MED13: variants seen among roughly 807,000 people sequenced by gnomAD.
The protein encoded by MED13 is mediator complex subunit 13.
A neutral mutation model predicts 225.2 loss-of-function variants in MED13; 23 were observed. The observed-to-expected ratio is 0.10, with a 90% CI of 0.07 to 0.14. The LOEUF is 0.14. Ranked by LOEUF, MED13 falls within the 10% of genes least tolerant of loss-of-function variation. The pLI, the probability that MED13 is intolerant of heterozygous loss-of-function variation, is 1.00. For synonymous variants in MED13, 942 were observed against 889.2 expected (o/e 1.06, Z -1.06); for missense variants, 2,197 against 2,594.5 (o/e 0.85, Z 3.33).
chr17:61,970,189 A>C (rs996686912), intron 17 of MED13, among the ~76,000 whole-genome samples: 5 of 152,256 alleles, frequency 3.3e-5, no homozygotes, highest in Admixed American at 6.5e-5. Flanking sequence ...AACATAAATG[A>C]GGAAGTTAAG....
Position 62,039,586 on chromosome 17 carries a change from G to A in MED13, c.471-3978C>T, listed in dbSNP as rs1042567721. Among the ~76,000 whole-genome samples the A allele has an allele frequency of 2.3e-5, 3 of 129,930 alleles. No individual in the cohort carries two copies. The East Asian group carries it at 8.6e-4, about 37-fold the overall frequency. The allele number at this position is 129,930 out of a possible 152,430, so 85.2% of individuals were successfully genotyped here. ...GGCATGAACCACCGCACCCAGCCAA[G>A]ATTTTTTTTTTTTTTTTTTTTTTTG... On this transcript the variant is annotated intron_variant, in intron 3 of 29. Coordinates refer to ENST00000397786, the MANE Select transcript of MED13 (RefSeq NM_005121.3).
rs534869940 is a variant in MED13 at position 62,039,876 on chromosome 17, G to C, written c.471-4268C>G. ...GGCATCCCAAAGTGCTGGAATTACAGGCGTGAGCCACTGTGCCGGCCTGAA... is the reference window on the plus strand; with the variant it reads ...GGCATCCCAAAGTGCTGGAATTACACGCGTGAGCCACTGTGCCGGCCTGAA... On this transcript the variant is annotated intron_variant, in intron 3 of 29. Coordinates refer to ENST00000397786, the MANE Select transcript of MED13 (RefSeq NM_005121.3). Among the ~76,000 whole-genome samples the C allele has an allele frequency of 2.0e-5, 3 of 152,204 alleles. No homozygotes were observed. The East Asian group carries it at 5.8e-4, about 29-fold the overall frequency.
chr17:62,045,070 T>A (rs1416763328), intron 3 of MED13, among the ~76,000 whole-genome samples: 4 of 152,222 alleles, frequency 2.6e-5, no homozygotes, highest in African/African-American at 9.6e-5. Flanking sequence ...TATATATAGT[T>A]GAGGGAATGG....
In MED13 at chr17:62,013,637, C is replaced by T. The variant is rs552869505; in HGVS notation, c.1284-2404G>A. Among the ~76,000 whole-genome samples the T allele has an allele frequency of 7.9e-5, 12 of 152,258 alleles. No individual in the cohort carries two copies. In the East Asian group the frequency reaches 2.1e-3, roughly 27 times the overall value. Reference sequence around the variant, plus strand: ...ACAAAGCAAGAATATTAGCTCTCAACATTTAACATTTTACTGAACGTTTTA... The same window carrying T: ...ACAAAGCAAGAATATTAGCTCTCAATATTTAACATTTTACTGAACGTTTTA... On this transcript the variant is annotated intron_variant, in intron 8 of 29. Coordinates refer to ENST00000397786, the MANE Select transcript of MED13 (RefSeq NM_005121.3).
rs1283487314 is a variant in MED13 at position 62,031,506 on chromosome 17, C to G, written c.947G>C (p.Arg316Thr). 6.2e-7 allele frequency: 1 copy of G among 1,613,888 alleles called. No homozygotes were observed. The highest frequency in any genetic ancestry group is 2.2e-5 in the East Asian group (1 of 44,856). Residue 316 changes from arginine (R) to threonine (T), a missense_variant, in exon 6 of 30, where the codon AGA (arginine) becomes ACA (threonine). Arg to Thr is a moderately conservative substitution (Grantham distance 71). This residue lies in a region of MED13 where 884 missense variants were observed against 918.5 expected (regional missense o/e 0.96). Transcript: ENST00000397786. ...LGVHQVPAST[R>T]DPAMSSVTLT... ...CGTAACCGAAGACATAGCAGGATCT[C>G]TTGTGGAAGCAGGCACTTGGTGGAC...
At chr17:62,041,031 G>T (rs2080847876) in intron 3 of MED13, among the ~76,000 whole-genome samples, 1 of 152,128 alleles carries the variant, frequency 6.6e-6, no homozygotes, top group East Asian at 1.9e-4. Context: ...CCACTTCTGG[G>T]TAGACACCCA....
rs12450223 is a variant in MED13 at position 62,007,582 on chromosome 17, T to C, written c.1967+2968A>G. On this transcript the variant is annotated intron_variant, in intron 9 of 29. Transcript: ENST00000397786. ...GTTAGACCTTGGCCGGGCGTGGTGG[T>C]TCACGCCTGTAATCCCAGCACTTTA... The C allele has an allele frequency of 0.03, 4,612 of 151,700 alleles. 625 individuals are homozygous for C. In the East Asian group the frequency reaches 0.46, roughly 15 times the overall value. 9.4% of individuals were successfully genotyped at this position (151,700 alleles called of 1,614,324 possible).
chr17:61,998,041 C>T (rs1232889894), intron 9 of MED13, among the ~76,000 whole-genome samples: 1 of 152,078 alleles, frequency 6.6e-6, no homozygotes, highest in African/African-American at 2.4e-5. Context: ...AGTATCAAGA[C>T]ACAATAAATT....
At chr17:61,992,077 G>A (rs1057383290) in intron 11 of MED13, among the ~76,000 whole-genome samples, 2 of 152,146 alleles carry the variant, frequency 1.3e-5, no homozygotes, top group Admixed American at 6.6e-5. Context: ...TTATGATGAT[G>A]AAACACTCTA....
intron 2 of MED13, among the ~76,000 whole-genome samples, chr17:62,054,089 C>G (rs375824960): frequency 6.6e-6 from 1 of 152,000 alleles, no homozygotes; most frequent in Non-Finnish European, 1.5e-5. Context: ...GGCGGATCAC[C>G]TGAGGTCAGG....
intron 16 of MED13, among the ~76,000 whole-genome samples, chr17:61,980,861 G>C (rs1390771693): frequency 6.6e-6 from 1 of 151,720 alleles, no homozygotes; most frequent in Non-Finnish European, 1.5e-5. Context: ...CTCTGCCTTG[G>C]CCTCCTGAGC....
At chr17:61,970,708 T>A in intron 17 of MED13, among the ~76,000 whole-genome samples, 2 of 135,288 alleles carry the variant, frequency 1.5e-5, no homozygotes, top group Admixed American at 1.6e-4. Context: ...AAAAAAGGCA[T>A]TACAGATAGT....
intron 16 of MED13, among the ~76,000 whole-genome samples, chr17:61,976,887 G>A (rs552649108): frequency 1.3e-5 from 2 of 152,206 alleles, no homozygotes; most frequent in East Asian, 1.9e-4. Context: ...AGCCGAGATC[G>A]CGCCACTGCA....
intron 12 of MED13, 39 bp from the exon 13 acceptor site, chr17:61,985,129 T>C (rs1193482945): frequency 1.3e-6 from 2 of 1,486,618 alleles, no homozygotes; most frequent in African/African-American, 2.8e-5. Context: ...AAATTTTACA[T>C]CCAATGTGAT....
intron 16 of MED13, among the ~76,000 whole-genome samples, chr17:61,974,059 T>C (rs2080132224): frequency 6.6e-6 from 1 of 152,100 alleles, no homozygotes; most frequent in Admixed American, 6.6e-5. Flanking sequence ...ATACTTAATA[T>C]GTAATATGCT....
chr17:61,986,078 A>T (rs1218429377), intron 12 of MED13, among the ~76,000 whole-genome samples: 2 of 152,200 alleles, frequency 1.3e-5, no homozygotes, highest in East Asian at 1.9e-4. Flanking sequence ...TTCTGACTAC[A>T]ATCTTTTATT....
chr17:61,987,277 C>T (rs749706063), intron 11 of MED13, 149 bp from the exon 12 acceptor site: 25 of 390,130 alleles, frequency 6.4e-5, no homozygotes, highest in Non-Finnish European at 8.4e-5. Context: ...TCTACTAAAA[C>T]TACAAAAATC....
chr17:61,969,576 C>T (rs188594699), intron 17 of MED13, among the ~76,000 whole-genome samples: 46 of 152,040 alleles, frequency 3.0e-4, no homozygotes, highest in Admixed American at 3.0e-3. Flanking sequence ...GAGCGCAGAT[C>T]TCATGTTAAG....
chr17:61,964,488 C>T (rs2080036400), intron 20 of MED13, among the ~76,000 whole-genome samples: 1 of 151,794 alleles, frequency 6.6e-6, no homozygotes, highest in Non-Finnish European at 1.5e-5. Flanking sequence ...TCACCTGAGC[C>T]CAGGAGGTCG....
Sources: allele counts gnomAD v4.1 joint callset (sites outside exome capture counted in the v4.1 genomes callset), GRCh38; gene constraint gnomAD v4.1.1; regional missense constraint gnomAD v4.1.1; transcripts MANE v1.5; gene names NCBI Gene and HGNC (gene_info 2026-07-23, HGNC 2026-07-21).